MOK: variants seen among roughly 807,000 people sequenced by gnomAD.
MOK encodes MAPK/MAK/MRK overlapping kinase.
A neutral mutation model predicts 54.2 loss-of-function variants in MOK; 59 were observed. The observed-to-expected ratio is 1.09, with a 90% CI of 0.88 to 1.35. MOK has a LOEUF of 1.35. MOK is among the 40% of genes most tolerant of loss of function. The pLI, the probability that MOK is intolerant of heterozygous loss-of-function variation, is 0.00. For synonymous variants in MOK, 210 were observed against 202.7 expected (o/e 1.04, Z -0.31); for missense variants, 517 against 526.2 (o/e 0.98, Z 0.17).
chr14:102,261,430 T>A (rs1400026481), intron 4 of MOK, among the ~76,000 whole-genome samples: 27 of 68,336 alleles, frequency 4.0e-4, no homozygotes, highest in Admixed American at 7.8e-4. Flanking sequence ...TATATATATA[T>A]ATATATATAT....
intron 1 of MOK, among the ~76,000 whole-genome samples, chr14:102,286,689 G>C (rs1432198098): frequency 6.6e-6 from 1 of 152,102 alleles, no homozygotes; most frequent in African/African-American, 2.4e-5. Flanking sequence ...CAGTAAAGCT[G>C]ATAACCCAAA....
chr14:102,303,606 C>CTGTGTATCAGAGTATTG (rs1378275988), intron 1 of MOK, among the ~76,000 whole-genome samples: 4 of 152,152 alleles, frequency 2.6e-5, no homozygotes, highest in Admixed American at 6.6e-5. Context: ...GAAATATGGA[C>CTGTGTATCAGAGTATTG]TGTGTATCAG....
At chr14:102,294,276 C>T (rs1402382380) in intron 1 of MOK, among the ~76,000 whole-genome samples, 4 of 152,056 alleles carry the variant, frequency 2.6e-5, no homozygotes, top group African/African-American at 9.7e-5. Flanking sequence ...GAAACCCCGT[C>T]TCTACTAAAA....
intron 7 of MOK, among the ~76,000 whole-genome samples, chr14:102,243,637 T>G (rs893197519): frequency 2.6e-5 from 4 of 152,198 alleles, no homozygotes; most frequent in African/African-American, 9.7e-5. Flanking sequence ...ACTCACTCTT[T>G]GTTGAGTCTC....
chr14:102,254,176 G>C (rs2066748825), intron 4 of MOK, among the ~76,000 whole-genome samples: 2 of 152,110 alleles, frequency 1.3e-5, no homozygotes, highest in Non-Finnish European at 2.9e-5. Flanking sequence ...TTTCAGTAGA[G>C]ACGGGGTTTC....
At chr14:102,218,882 C>A in the MOK span, among the ~76,000 whole-genome samples, 3 of 152,242 alleles carry the variant, frequency 2.0e-5, no homozygotes, top group Admixed American at 1.3e-4. Context: ...AGCTCCCGCA[C>A]GCTGCTGAGC....
At chr14:102,281,510 A>G (rs1421996281) in intron 2 of MOK, among the ~76,000 whole-genome samples, 3 of 151,104 alleles carry the variant, frequency 2.0e-5, no homozygotes, top group East Asian at 1.9e-4. Flanking sequence ...AAAAAAAAAA[A>G]AAAAAAGAAA....
chr14:102,289,367 G>A (rs1018913953), intron 1 of MOK, among the ~76,000 whole-genome samples: 6 of 152,130 alleles, frequency 3.9e-5, no homozygotes, highest in African/African-American at 1.4e-4. Context: ...CTCATTAATG[G>A]CAGAATATGC....
At chr14:102,233,072 G>GT (rs1213443524) in intron 8 of MOK, 1 of 163,988 alleles carries the variant, frequency 6.1e-6, no homozygotes, top group Non-Finnish European at 1.3e-5. Flanking sequence ...TGCTAAAAAT[G>GT]TAAGAAAACT....
chr14:102,221,932 G>A (rs980624301), downstream of MOK, among the ~76,000 whole-genome samples: 1 of 152,182 alleles, frequency 6.6e-6, no homozygotes, highest in Non-Finnish European at 1.5e-5. This position sits in a 1 kb window ranked among gnomAD's most constrained non-coding sequence, Gnocchi z 4.8. Context: ...CCATCTTAAT[G>A]TTCTTCATAA....
chr14:102,251,831 A>G (rs375703211), intron 5 of MOK, 27 bp from the exon 6 acceptor site: 5 of 1,548,868 alleles, frequency 3.2e-6, no homozygotes, highest in Non-Finnish European at 4.4e-6. Context: ...GGAAAAATAG[A>G]ATTACACTTC....
downstream of MOK, chr14:102,225,017 C>T (rs566158121): frequency 6.1e-5 from 20 of 328,286 alleles, no homozygotes; most frequent in East Asian, 5.0e-4. Context: ...CAGTGAACTG[C>T]GGGTGTATTT....
In MOK at chr14:102,231,445, TCCC is replaced by T. The variant is rs1597241782; in HGVS notation, c.981+259_981+261del. On this transcript the variant is annotated intron_variant, in intron 10 of 11. Transcript: ENST00000361847. This position sits in a 1 kb window ranked among gnomAD's most constrained non-coding sequence, Gnocchi z 4.4. ...ACAGACACAAAAGTTCATGCAAACA[TCCC>T]CTCTCTGGGCCTGCTCACATGGGAT... 3 of 396,994 alleles carry T rather than the reference TCCC, an allele frequency of 7.6e-6. No individual in the cohort carries two copies. Among genetic ancestry groups the T allele is most frequent in the Non-Finnish European group, 4.6e-6 (1 of 219,106 alleles). 24.6% of individuals were successfully genotyped at this position (396,994 alleles called of 1,614,324 possible).
Position 102,229,463 on chromosome 14 carries a change from G to C in MOK, c.1176C>G (p.Ser392Arg), listed in dbSNP as rs2064453215. Residue 392 changes from serine to arginine, a missense_variant, in exon 11 of 12, where the codon AGC becomes AGG. Physicochemically the swap from Ser to Arg is moderately radical, Grantham distance 110 (BLOSUM62 -1). Transcript: ENST00000361847. Reference sequence around the variant, plus strand: ...GAAGCTGGTTCCGCGCTACCTTCTTGCTCGCAGGGATGCACTTCAAGGGTC... The same window carrying C: ...GAAGCTGGTTCCGCGCTACCTTCTTCCTCGCAGGGATGCACTTCAAGGGTC... The part of the protein sequence containing the change: ...VLRPLKCIPA[S>R]KKTDPQKDLK... 1 of 1,614,208 alleles carries C rather than the reference G, an allele frequency of 6.2e-7. No homozygotes were observed. Among genetic ancestry groups the C allele is most frequent in the Non-Finnish European group, 8.5e-7 (1 of 1,180,030 alleles).
rs756322561 is a variant in MOK at position 102,252,005 on chromosome 14, C to T, written c.284-10G>A. The T allele has an allele frequency of 1.4e-5, 21 of 1,508,330 alleles. No individual in the cohort carries two copies. The highest frequency in any genetic ancestry group is 1.9e-5 in the Non-Finnish European group (21 of 1,089,712). The allele number at this position is 1,508,330 out of a possible 1,614,324, so 93.4% of individuals were successfully genotyped here. A position where few individuals can be genotyped will look rare whatever the true frequency, so the allele number is the denominator to read the frequency against. The stretch of plus-strand genomic sequence containing the variant: ...AATGGGTATCTTCTCCCTGTACAAT[C>T]AAGGAAATAGGCAAATACGGTTACT... On this transcript the variant is annotated splice_polypyrimidine_tract_variant and intron_variant, in intron 4 of 11. Transcript: ENST00000361847.
Position 102,236,918 on chromosome 14 carries a change from C to T in MOK, c.591-3129G>A, listed in dbSNP as rs1227556369. On this transcript the variant is annotated intron_variant, in intron 7 of 11. Transcript: ENST00000361847. The surrounding 1 kb of genome is among the most constrained non-coding windows in gnomAD (Gnocchi z 4.5). ...CTCATACCGACTCCTGCAAGACCTC[C>T]GAGCCATCAGTCAGGCTGTCTTTCC... Among the ~76,000 whole-genome samples, 2 of 152,186 alleles carry T rather than the reference C, an allele frequency of 1.3e-5. No homozygotes were observed. The highest frequency in any genetic ancestry group is 2.9e-5 in the Non-Finnish European group (2 of 68,036).
At chr14:102,217,224 C>T in the MOK span, among the ~76,000 whole-genome samples, 2 of 152,170 alleles carry the variant, frequency 1.3e-5, no homozygotes, top group Non-Finnish European at 2.9e-5. Context: ...GTCCCAGGAG[C>T]GGGAGGGCCT....
At position 102,251,818 on chromosome 14, in the gene MOK, A is replaced by G. The variant is rs746465592; in HGVS notation, c.363-14T>C. On this transcript the variant is annotated splice_polypyrimidine_tract_variant and intron_variant, in intron 5 of 11. Transcript: ENST00000361847. ...AATATTCCATTTCTGCATTCAGTATAAAGGAAAAATAGAATTACACTTCAT... is the reference window on the plus strand; with the variant it reads ...AATATTCCATTTCTGCATTCAGTATGAAGGAAAAATAGAATTACACTTCAT... 4 of 1,560,904 alleles carry G rather than the reference A, an allele frequency of 2.6e-6. No individual in the cohort carries two copies. The East Asian group carries it at 9.0e-5, about 35-fold the overall frequency.
rs989661409 is a variant in MOK, at chr14:102,234,475, C to T, written c.591-686G>A. On this transcript the variant is annotated intron_variant, in intron 7 of 11. Transcript: ENST00000361847. ...CCCAGCGCTGGGCCAAGGGCTTCCT[C>T]CAGCCTCCAGGCCTCTGGTTCCTCC... is the stretch of plus-strand genomic sequence containing the variant. 8.5e-5 allele frequency among the ~76,000 whole-genome samples: 13 copies of T among 152,146 alleles called. No individual in the cohort carries two copies. In the South Asian group the frequency reaches 1.0e-3, roughly 12 times the overall value.
Sources: gnomAD v4.1 joint callset for allele counts (sites outside exome capture counted in the v4.1 genomes callset) on GRCh38, gnomAD v4.1.1 for gene constraint, Gnocchi (gnomAD v3.1) non-coding constraint, MANE v1.5 for transcripts, NCBI Gene and HGNC (gene_info 2026-07-23, HGNC 2026-07-21) for gene names.